The following EPHA3 variants were observed in gnomAD, a reference collection of about 807,000 sequenced individuals.
The protein encoded by EPHA3 is EPH receptor A3.
A neutral mutation model predicts 107.1 loss-of-function variants in EPHA3; 42 were observed. The observed-to-expected ratio is 0.39, with a 90% CI of 0.31 to 0.51. The LOEUF (loss-of-function observed/expected upper bound fraction) is 0.51, where lower values mean the gene tolerates loss of function less well. Ranked by LOEUF, EPHA3 falls within the 20% of genes least tolerant of loss-of-function variation. The probability of loss-of-function intolerance (pLI) is 0.78; values close to 1 mark genes in which losing one functional copy is unlikely to be tolerated. For synonymous variants in EPHA3, 461 were observed against 424.8 expected, an observed-to-expected ratio of 1.09 and a Z score of -1.05; for missense variants, 1,183 against 1,211.2, an observed-to-expected ratio of 0.98 and a Z score of 0.35.
At chr3:89,324,955 T>C (rs1011339766) in intron 3 of EPHA3, among the ~76,000 whole-genome samples, 3 of 152,150 alleles carry the variant, frequency 2.0e-5, no homozygotes, top group African/African-American at 7.2e-5. Context: ...TGTGCACTAT[T>C]TGGTTTTCTG....
chr3:89,150,961 A>G (rs560792146), intron 2 of EPHA3, among the ~76,000 whole-genome samples: 1 of 152,066 alleles, frequency 6.6e-6, no homozygotes, highest in Non-Finnish European at 1.5e-5. Flanking sequence ...TGGGTGACAG[A>G]GTGAGAACCT....
intron 13 of EPHA3, among the ~76,000 whole-genome samples, chr3:89,437,189 A>G (rs1203185885): frequency 6.6e-6 from 1 of 152,162 alleles, no homozygotes; most frequent in African/African-American, 2.4e-5. Flanking sequence ...TTTACTAGGA[A>G]AAAAGTCCCT....
At chr3:89,458,931 G>T (rs1410885722) in intron 15 of EPHA3, among the ~76,000 whole-genome samples, 1 of 152,162 alleles carries the variant, frequency 6.6e-6, no homozygotes, top group South Asian at 2.1e-4. Context: ...CACAGGAACA[G>T]AAAACCAAAC....
intron 13 of EPHA3, among the ~76,000 whole-genome samples, chr3:89,446,648 A>C (rs1000246438): frequency 6.6e-6 from 1 of 151,086 alleles, no homozygotes; most frequent in African/African-American, 2.4e-5. Flanking sequence ...TGGGCCTAAT[A>C]TTTTCTAAAT....
At chr3:89,228,497 T>G (rs574309661) in intron 3 of EPHA3, among the ~76,000 whole-genome samples, 2 of 152,092 alleles carry the variant, frequency 1.3e-5, no homozygotes, top group Admixed American at 1.3e-4. Context: ...CAATGTCATA[T>G]TGATTTACAT....
chr3:89,231,518 C>A (rs1704634693), intron 3 of EPHA3, among the ~76,000 whole-genome samples: 1 of 152,108 alleles, frequency 6.6e-6, no homozygotes, highest in Non-Finnish European at 1.5e-5. Flanking sequence ...GTTGTCACTG[C>A]TCTTGTGTGT....
rs1315432912 is a variant in EPHA3, at chr3:89,240,159, G to C, written c.814+29639G>C. On this transcript the variant is annotated intron_variant, in intron 3 of 16. Transcript: ENST00000336596. ...GTCGCATGGTTGAAATAATACATTT[G>C]TATGGCATTACTAGAAAATATTTTT... Among the ~76,000 whole-genome samples, 3 of 152,136 alleles carry C rather than the reference G, an allele frequency of 2.0e-5. No individual in the cohort carries two copies. In the East Asian group the frequency reaches 5.8e-4, roughly 29 times the overall value.
chr3:89,278,944 G>C (rs1357818519), intron 3 of EPHA3, among the ~76,000 whole-genome samples: 1 of 152,128 alleles, frequency 6.6e-6, no homozygotes. Context: ...TTAACTCGAG[G>C]ATTCTCAAGT....
intron 3 of EPHA3, among the ~76,000 whole-genome samples, chr3:89,339,136 G>T (rs1327826455): frequency 2.0e-5 from 3 of 152,212 alleles, no homozygotes; most frequent in African/African-American, 7.2e-5. Context: ...ACTTTGGGAG[G>T]CCGAGGCGGG....
At chr3:89,419,072 C>A in intron 10 of EPHA3, 133 bp from the exon 11 acceptor site, 1 of 838,978 alleles carries the variant, frequency 1.2e-6, no homozygotes, top group Non-Finnish European at 1.8e-6. Flanking sequence ...ATTTGGAGTA[C>A]TAGAGTGTAC....
chr3:89,203,648 G>A (rs943145141), intron 2 of EPHA3, among the ~76,000 whole-genome samples: 2 of 151,894 alleles, frequency 1.3e-5, no homozygotes, highest in African/African-American at 4.8e-5. Context: ...GCAGTGGCGG[G>A]CGCCTGCAGT....
intron 2 of EPHA3, among the ~76,000 whole-genome samples, chr3:89,165,757 C>T (rs191136030): frequency 1.3e-5 from 2 of 152,294 alleles, no homozygotes; most frequent in East Asian, 1.9e-4. Flanking sequence ...ATCCTGACTC[C>T]TTTCCAAGGC....
intron 3 of EPHA3, among the ~76,000 whole-genome samples, chr3:89,213,601 AT>A (rs1704157470): frequency 1.3e-5 from 2 of 152,150 alleles, no homozygotes; most frequent in East Asian, 3.9e-4. Flanking sequence ...AATAACAAAT[AT>A]TTTTACGGTA....
Position 89,260,820 on chromosome 3 carries a change from C to T in EPHA3, c.814+50300C>T, listed in dbSNP as rs1489360215. The stretch of plus-strand genomic sequence containing the variant: ...CACACAGTCAAAATCACCCTCTGTG[C>T]TGACTTCCACACCAGACTGATTCAT... On this transcript the variant is annotated intron_variant, in intron 3 of 16. Transcript: ENST00000336596. 2.6e-5 allele frequency among the ~76,000 whole-genome samples: 4 copies of T among 152,232 alleles called. No homozygotes were observed. The South Asian group carries it at 6.2e-4, about 24-fold the overall frequency.
intron 2 of EPHA3, among the ~76,000 whole-genome samples, chr3:89,179,667 T>TAAA (rs11391439): frequency 2.8e-5 from 4 of 143,626 alleles, no homozygotes; most frequent in East Asian, 2.0e-4. Context: ...TTAAAGTCTG[T>TAAA]AAAAAAAAAA....
At chr3:89,320,686 C>T (rs1707022181) in intron 3 of EPHA3, among the ~76,000 whole-genome samples, 1 of 151,648 alleles carries the variant, frequency 6.6e-6, no homozygotes, top group Admixed American at 6.6e-5. Context: ...TCTTGATTAA[C>T]AAAAATTAGA....
rs1242486870 is a variant in EPHA3, at chr3:89,140,548, A to G, written c.153+13275A>G. Among the ~76,000 whole-genome samples, 8 of 151,804 alleles carry G rather than the reference A, an allele frequency of 5.3e-5. No individual in the cohort carries two copies. The South Asian group carries it at 6.2e-4, about 12-fold the overall frequency. ...CAATTTTTGGAGACTAAAATATAAA[A>G]CAGAACAAATGAGCTTTATAACTCC... On this transcript the variant is annotated intron_variant, in intron 2 of 16. Coordinates refer to ENST00000336596, the MANE Select transcript of EPHA3 (RefSeq NM_005233.6).
In EPHA3 at chr3:89,482,033, T is replaced by A. The variant is rs1380191167; in HGVS notation, c.*2531T>A. 8 of 221,824 alleles carry A rather than the reference T, an allele frequency of 3.6e-5. No individual in the cohort carries two copies. Among genetic ancestry groups the A allele is most frequent in the African/African-American group, 1.8e-4 (8 of 44,770 alleles). 13.7% of individuals were successfully genotyped at this position (221,824 alleles called of 1,614,324 possible). A position where few individuals can be genotyped will look rare whatever the true frequency, so the allele number is the denominator to read the frequency against. On this transcript the variant is annotated 3_prime_UTR_variant, in exon 17 of 17. Coordinates refer to ENST00000336596, the MANE Select transcript of EPHA3 (RefSeq NM_005233.6). The stretch of plus-strand genomic sequence containing the variant: ...TTTTCAAAATATTACTCAGTTTATG[T>A]TGTACAATGTAGATGGCCTCTTACT...
At chr3:89,345,508 G>A (rs1432695637) in intron 5 of EPHA3, among the ~76,000 whole-genome samples, 3 of 149,908 alleles carry the variant, frequency 2.0e-5, no homozygotes, top group South Asian at 2.1e-4. Flanking sequence ...TGCTTTATCC[G>A]TCCCACCCCC....
Sources: allele counts gnomAD v4.1 joint callset (sites outside exome capture counted in the v4.1 genomes callset), GRCh38; gene constraint gnomAD v4.1.1; transcripts MANE v1.5; gene names NCBI Gene and HGNC (gene_info 2026-07-23, HGNC 2026-07-21).